The following DDX19B variants were observed in gnomAD, a reference collection of about 807,000 sequenced individuals.
The protein encoded by DDX19B is DEAD-box helicase 19B, also known as ATP-dependent RNA helicase DDX19B.
Under a neutral mutation model 58.1 loss-of-function variants are expected in DDX19B, and 27 were observed. The observed-to-expected ratio is 0.46, with a 90% CI of 0.34 to 0.64. The LOEUF is 0.64. Ranked by LOEUF, DDX19B falls within the 30% of genes least tolerant of loss-of-function variation. The probability of loss-of-function intolerance (pLI) is 0.01; values close to 1 mark genes in which losing one functional copy is unlikely to be tolerated. For synonymous variants in DDX19B, 187 were observed against 214.4 expected (o/e 0.87, Z 1.12); for missense variants, 399 against 596.5 (o/e 0.67, Z 3.45).
chr16:70,294,882 C>T, upstream of DDX19B: 1 of 1,526,884 alleles, frequency 6.5e-7, no homozygotes, highest in Non-Finnish European at 8.7e-7. Context: ...AGATCGCGCC[C>T]TGCGGCGGTT....
rs1003003770 is a variant in DDX19B at position 70,331,062 on chromosome 16, A to C, written c.1024-660A>C. The stretch of plus-strand genomic sequence containing the variant: ...TCAAAAAATTTAAATTTAAAATAAA[A>C]TTTTAAAATATATATGTTGTTTGTT... On this transcript the variant is annotated intron_variant, in intron 9 of 11. Transcript: ENST00000288071. Among the ~76,000 whole-genome samples, 4 of 152,166 alleles carry C rather than the reference A, an allele frequency of 2.6e-5. No homozygotes were observed. The East Asian group carries it at 7.7e-4, about 29-fold the overall frequency.
chr16:70,314,581 G>A (rs1052943835), intron 2 of DDX19B, among the ~76,000 whole-genome samples: 1 of 151,500 alleles, frequency 6.6e-6, no homozygotes, highest in Non-Finnish European at 1.5e-5. Flanking sequence ...AGAGAATGGC[G>A]TGAACCTGGG....
intron 5 of DDX19B, among the ~76,000 whole-genome samples, chr16:70,319,395 A>G (rs1458189615): frequency 6.6e-6 from 1 of 152,122 alleles, no homozygotes; most frequent in Non-Finnish European, 1.5e-5. Flanking sequence ...TGAATTTAGT[A>G]GGTCTAAGTG....
chr16:70,299,433 A>G (rs1033848968), intron 1 of DDX19B, 79 bp downstream of exon 1: 10 of 1,455,258 alleles, frequency 6.9e-6, no homozygotes, highest in Admixed American at 4.8e-5. Context: ...AATGTTTCCC[A>G]GGTTGATTAG....
At chr16:70,331,940 T>C (rs938994313) in intron 10 of DDX19B, 56 bp downstream of exon 10, 1 of 1,595,618 alleles carries the variant, frequency 6.3e-7, no homozygotes, top group Non-Finnish European at 8.5e-7. Flanking sequence ...CAGGCCCAGT[T>C]AGAGCCAGAA....
chr16:70,330,580 C>G (rs946765961), intron 9 of DDX19B, among the ~76,000 whole-genome samples: 1 of 152,022 alleles, frequency 6.6e-6, no homozygotes, highest in Non-Finnish European at 1.5e-5. Flanking sequence ...AAGAGCGAAA[C>G]TCTGTCTCAA....
At position 70,325,558 on chromosome 16, in the gene DDX19B, A is replaced by G. The variant is rs760031392; in HGVS notation, c.493-16A>G. 2.5e-6 allele frequency: 4 copies of G among 1,585,130 alleles called. No homozygotes were observed. Among genetic ancestry groups the G allele is most frequent in the Non-Finnish European group, 3.5e-6 (4 of 1,155,766 alleles). On this transcript the variant is annotated splice_polypyrimidine_tract_variant and intron_variant, in intron 6 of 11. Coordinates refer to ENST00000288071, the MANE Select transcript of DDX19B (RefSeq NM_007242.7). The stretch of plus-strand genomic sequence containing the variant: ...CTATTGTCTTGAATTTGCACTCTGC[A>G]TTCTTTTCCTGCCAGTGTCTATGTC...
chr16:70,321,013 A>C (rs1962768984), intron 5 of DDX19B, among the ~76,000 whole-genome samples: 1 of 127,356 alleles, frequency 7.9e-6, no homozygotes. Context: ...CCCAGGCTGG[A>C]GTGCAATGGC....
intron 8 of DDX19B, among the ~76,000 whole-genome samples, 156 bp from the exon 9 acceptor site, chr16:70,329,675 A>ACCCCTGTCCCCAT (rs1963377292): frequency 6.6e-6 from 1 of 151,744 alleles, no homozygotes; most frequent in Non-Finnish European, 1.5e-5. Context: ...CTCTCCCCCA[A>ACCCCTGTCCCCAT]CCCCTGTCCC....
intron 1 of DDX19B, among the ~76,000 whole-genome samples, chr16:70,312,126 C>T (rs1962126391): frequency 6.6e-6 from 1 of 152,168 alleles, no homozygotes; most frequent in Non-Finnish European, 1.5e-5. Context: ...AGGCGCGAGC[C>T]ACCGCACCTG....
intron 3 of DDX19B, chr16:70,315,747 T>TTA: frequency 2.0e-6 from 1 of 510,716 alleles, no homozygotes. Flanking sequence ...AGAGGGCTGT[T>TTA]AGAATAGAGT....
At chr16:70,300,422 G>A (rs754312133) in intron 1 of DDX19B, among the ~76,000 whole-genome samples, 1 of 151,976 alleles carries the variant, frequency 6.6e-6, no homozygotes, top group African/African-American at 2.4e-5. Context: ...TGCCCAGGCT[G>A]GTCTCGAACT....
At chr16:70,333,215 G>C in intron 11 of DDX19B, 56 bp downstream of exon 11, 1 of 837,050 alleles carries the variant, frequency 1.2e-6, no homozygotes, top group South Asian at 1.7e-5. Flanking sequence ...GGGCGGGGTG[G>C]TGAAAGGGGT....
At chr16:70,330,862 T>C (rs769734418) in intron 9 of DDX19B, among the ~76,000 whole-genome samples, 2 of 151,644 alleles carry the variant, frequency 1.3e-5, no homozygotes, top group African/African-American at 4.8e-5. Context: ...TTGCACAACA[T>C]AGCAAGACCC....
intron 1 of DDX19B, among the ~76,000 whole-genome samples, chr16:70,301,181 T>C (rs1201190579): frequency 1.3e-5 from 2 of 152,160 alleles, no homozygotes; most frequent in Non-Finnish European, 2.9e-5. Flanking sequence ...TTTCCATCTT[T>C]CTTGATTTAT....
Position 70,333,954 on chromosome 16 carries a change from C to T in DDX19B, c.*372C>T. The T allele has an allele frequency of 3.2e-6, 1 of 314,470 alleles. No homozygotes were observed. The highest frequency in any genetic ancestry group is 3.4e-5 in the South Asian group (1 of 29,096). 19.5% of individuals were successfully genotyped at this position (314,470 alleles called of 1,614,324 possible). ...TGGCTTGGAGTGGATGGGGCAGCCT[C>T]CAGCTCCTGTGGAAGTAATGGAATA... is the stretch of plus-strand genomic sequence containing the variant. On this transcript the variant is annotated 3_prime_UTR_variant, in exon 12 of 12. Transcript: ENST00000288071.
intron 1 of DDX19B, among the ~76,000 whole-genome samples, chr16:70,301,488 A>T (rs1961480516): frequency 6.6e-6 from 1 of 152,082 alleles, no homozygotes; most frequent in Non-Finnish European, 1.5e-5. Flanking sequence ...TTTAATATTC[A>T]GAAAATTTAT....
chr16:70,320,151 C>T (rs896543006), intron 5 of DDX19B, among the ~76,000 whole-genome samples: 34 of 151,898 alleles, frequency 2.2e-4, no homozygotes, highest in Admixed American at 1.8e-3. Context: ...ACTCTGTCAC[C>T]TAGGCAGGAG....
At chr16:70,329,788 C>T in intron 8 of DDX19B, 43 bp from the exon 9 acceptor site, 1 of 1,612,274 alleles carries the variant, frequency 6.2e-7, no homozygotes, top group Non-Finnish European at 8.5e-7. Flanking sequence ...TCTGTCGCTT[C>T]CCGGGGCCAC....
Sources: allele counts gnomAD v4.1 joint callset (sites outside exome capture counted in the v4.1 genomes callset), GRCh38; gene constraint gnomAD v4.1.1; transcripts MANE v1.5; gene names NCBI Gene and HGNC (gene_info 2026-07-23, HGNC 2026-07-21).